MLLT1: variants seen among roughly 807,000 people sequenced by gnomAD.
The protein encoded by MLLT1 is protein ENL.
MLLT1 carries 11 observed loss-of-function variants against 55.1 expected under a neutral mutation model. The ratio of observed to expected loss-of-function variants is 0.20; its 90% CI spans 0.13 to 0.33. The LOEUF (loss-of-function observed/expected upper bound fraction) is 0.33, where lower values mean the gene tolerates loss of function less well. MLLT1 is among the 10% of genes least tolerant of loss of function. The probability of loss-of-function intolerance (pLI) is 1.00; values close to 1 mark genes in which losing one functional copy is unlikely to be tolerated. For missense variants in MLLT1, 536 were observed against 760.6 expected, an observed-to-expected ratio of 0.70 and a Z score of 3.47; for synonymous variants, 323 against 320.1, an observed-to-expected ratio of 1.01 and a Z score of -0.10.
At chr19:6,272,323 A>G (rs1311998075) in intron 1 of MLLT1, among the ~76,000 whole-genome samples, 1 of 152,160 alleles carries the variant, frequency 6.6e-6, no homozygotes, top group Non-Finnish European at 1.5e-5. Context: ...CCCAGAACTG[A>G]GGAAATGCAG....
chr19:6,239,773 C>T (rs1055836570), intron 3 of MLLT1, among the ~76,000 whole-genome samples: 1 of 152,098 alleles, frequency 6.6e-6, no homozygotes, highest in Non-Finnish European at 1.5e-5. Flanking sequence ...TACACACCCA[C>T]TCACATCCAC....
Position 6,270,887 on chromosome 19 carries a change from C to T in MLLT1, c.13-128G>A, listed in dbSNP as rs1046726812. On this transcript the variant is annotated intron_variant, in intron 1 of 11. Transcript: ENST00000252674. The surrounding 1 kb of genome is among the most constrained non-coding windows in gnomAD (Gnocchi z 7.1). Reference sequence around the variant, plus strand: ...AATACGCTCTCAACCCAGTGAGCAGCACACAGACGGCTTCCTATCGCGCCA... The same window carrying T: ...AATACGCTCTCAACCCAGTGAGCAGTACACAGACGGCTTCCTATCGCGCCA... The T allele has an allele frequency of 1.8e-5, 16 of 873,876 alleles. No homozygotes were observed. The highest frequency in any genetic ancestry group is 2.5e-5 in the Non-Finnish European group (15 of 591,928). The allele number at this position is 873,876 out of a possible 1,614,324, so 54.1% of individuals were successfully genotyped here. A position where few individuals can be genotyped will look rare whatever the true frequency, so the allele number is the denominator to read the frequency against.
chr19:6,235,334 C>T lies in MLLT1; in HGVS notation c.277-4621G>A, dbSNP rs1464307508. On this transcript the variant is annotated intron_variant, in intron 3 of 11. Transcript: ENST00000252674. This position sits in a 1 kb window ranked among gnomAD's most constrained non-coding sequence, Gnocchi z 5.5. ...AGGGACACCAGCAGGAGCCTGGCCA[C>T]GGTCCTGCCTCCTAGGCCTCAGGTT... Among the ~76,000 whole-genome samples the T allele has an allele frequency of 2.6e-5, 4 of 152,228 alleles. No individual in the cohort carries two copies. Among genetic ancestry groups the T allele is most frequent in the Non-Finnish European group, 2.9e-5 (2 of 68,036 alleles).
chr19:6,212,917 C>A lies in MLLT1; in HGVS notation c.*125G>T. 1 of 1,244,030 alleles carries A rather than the reference C, an allele frequency of 8.0e-7. No homozygotes were observed. The highest frequency in any genetic ancestry group is 1.1e-6 in the Non-Finnish European group (1 of 905,870). 77.1% of individuals were successfully genotyped at this position (1,244,030 alleles called of 1,614,324 possible). On this transcript the variant is annotated 3_prime_UTR_variant, in exon 12 of 12. Transcript: ENST00000252674. ...GCCGAGGAAAGTGCAGCGGGCTGTG[C>A]GGGCGAGGACAGGGCTGTCGCTAAG...
At chr19:6,221,214 G>A (rs2090893821) in intron 6 of MLLT1, among the ~76,000 whole-genome samples, 1 of 152,196 alleles carries the variant, frequency 6.6e-6, no homozygotes, top group Non-Finnish European at 1.5e-5. Flanking sequence ...GGCCCCTGAG[G>A]GCTGGGGCTG....
intron 8 of MLLT1, among the ~76,000 whole-genome samples, chr19:6,214,513 G>GC (rs1299200884): frequency 6.6e-6 from 1 of 152,114 alleles, no homozygotes; most frequent in East Asian, 1.9e-4. Context: ...AGTCACATCG[G>GC]CCCCCCTGAC....
chr19:6,270,192 G>A lies in MLLT1; in HGVS notation c.193+387C>T, dbSNP rs778560025. Among the ~76,000 whole-genome samples, 2 of 152,014 alleles carry A rather than the reference G, an allele frequency of 1.3e-5. No individual in the cohort carries two copies. The highest frequency in any genetic ancestry group is 3.8e-4 in the East Asian group (2 of 5,198). On this transcript the variant is annotated intron_variant, in intron 2 of 11. Coordinates refer to ENST00000252674, the MANE Select transcript of MLLT1 (RefSeq NM_005934.4). The surrounding 1 kb of genome is among the most constrained non-coding windows in gnomAD (Gnocchi z 7.1). ...AAAAGACAGTGGTGACATGAGCTCC[G>A]GCATTCTTTCTGCCCCAAATATTGG...
Position 6,222,624 on chromosome 19 carries a change from C to T in MLLT1, c.607G>A (p.Glu203Lys). 2.5e-6 allele frequency: 4 copies of T among 1,588,226 alleles called. No homozygotes were observed. Among genetic ancestry groups the T allele is most frequent in the Non-Finnish European group, 3.4e-6 (4 of 1,173,684 alleles). ...CTCTCGGAGTCTTTGCGGGGCCGCTCCCGGTGCTCCTTGGTCACCTTGTGT... is the reference window on the plus strand; with the variant it reads ...CTCTCGGAGTCTTTGCGGGGCCGCTTCCGGTGCTCCTTGGTCACCTTGTGT... ...KPHKVTKEHR[E>K]RPRKDSESKS... is the part of the protein sequence containing the mutation. Residue 203 changes from glutamate to lysine, a missense_variant, in exon 6 of 12, where the codon GAG (glutamate) becomes AAG (lysine). This residue lies in a region of MLLT1 where 449 missense variants were observed against 489.0 expected (regional missense o/e 0.92). Transcript: ENST00000252674. This position sits in a 1 kb window ranked among gnomAD's most constrained non-coding sequence, Gnocchi z 4.1.
Position 6,262,412 on chromosome 19 carries a change from G to C in MLLT1, c.194-102C>G, listed in dbSNP as rs2144941683. On this transcript the variant is annotated intron_variant, in intron 2 of 11. Coordinates refer to ENST00000252674, the MANE Select transcript of MLLT1 (RefSeq NM_005934.4). This position sits in a 1 kb window ranked among gnomAD's most constrained non-coding sequence, Gnocchi z 4.4. ...CCCTCAACCCCACCACCTCCTCACA[G>C]GGGCTTGGCTGGCCTCTCGGGGGTG... The C allele has an allele frequency of 1.0e-6, 1 of 970,856 alleles. No individual in the cohort carries two copies. 60.1% of individuals were successfully genotyped at this position (970,856 alleles called of 1,614,324 possible).
At position 6,211,804 on chromosome 19, in the gene MLLT1, G is replaced by A. The variant is rs1234852473; in HGVS notation, c.*1238C>T. 4.3e-5 allele frequency: 46 copies of A among 1,063,858 alleles called. No individual in the cohort carries two copies. Among genetic ancestry groups the A allele is most frequent in the Non-Finnish European group, 4.9e-5 (43 of 878,388 alleles). 65.9% of individuals were successfully genotyped at this position (1,063,858 alleles called of 1,614,324 possible). ...CGTCCTGGCCCTGGAAGAGTGGGCCGGGAAGGAGGACCGGCTTGGCCCCTG... is the reference window on the plus strand; with the variant it reads ...CGTCCTGGCCCTGGAAGAGTGGGCCAGGAAGGAGGACCGGCTTGGCCCCTG... On this transcript the variant is annotated 3_prime_UTR_variant, in exon 12 of 12. Coordinates refer to ENST00000252674, the MANE Select transcript of MLLT1 (RefSeq NM_005934.4). The surrounding 1 kb of genome is among the most constrained non-coding windows in gnomAD (Gnocchi z 4.6).
chr19:6,218,398 T>C (rs1195196680), intron 6 of MLLT1, among the ~76,000 whole-genome samples: 1 of 152,220 alleles, frequency 6.6e-6, no homozygotes. Context: ...GGGTGGGCCT[T>C]GCCTTCGTCC....
chr19:6,240,085 G>A lies in MLLT1; in HGVS notation c.277-9372C>T, dbSNP rs569600435. On this transcript the variant is annotated intron_variant, in intron 3 of 11. Coordinates refer to ENST00000252674, the MANE Select transcript of MLLT1 (RefSeq NM_005934.4). This position sits in a 1 kb window ranked among gnomAD's most constrained non-coding sequence, Gnocchi z 4.7. ...TGCACCTCTCTGAGCCTCAGAGAGAGGCAGGAATCAAACAGGAAAGAGGCA... is the reference window on the plus strand; with the variant it reads ...TGCACCTCTCTGAGCCTCAGAGAGAAGCAGGAATCAAACAGGAAAGAGGCA... 2.6e-5 allele frequency among the ~76,000 whole-genome samples: 4 copies of A among 152,292 alleles called. No homozygotes were observed. The highest frequency in any genetic ancestry group is 1.9e-4 in the East Asian group (1 of 5,168).
chr19:6,236,810 G>A (rs573554549), intron 3 of MLLT1, among the ~76,000 whole-genome samples: 72 of 152,314 alleles, frequency 4.7e-4, no homozygotes, highest in African/African-American at 1.6e-3. Context: ...AGCAGGCTCC[G>A]TGAGCAATGG....
In MLLT1 at chr19:6,216,526, G is replaced by A. The variant is rs2233193; in HGVS notation, c.1199-13C>T. The A allele has an allele frequency of 1.5e-3, 2,329 of 1,553,280 alleles. 36 individuals are homozygous for A. In the African/African-American group the frequency reaches 0.028, roughly 19 times the overall value. On this transcript the variant is annotated splice_polypyrimidine_tract_variant and intron_variant, in intron 7 of 11. Coordinates refer to ENST00000252674, the MANE Select transcript of MLLT1 (RefSeq NM_005934.4). ...GAGCGCAGGGGTCCTGGGGAGGCGGGGCAGGGAGGGAGGGGAGACAAGGGC... is the reference window on the plus strand; with the variant it reads ...GAGCGCAGGGGTCCTGGGGAGGCGGAGCAGGGAGGGAGGGGAGACAAGGGC...
rs1322472233 is a variant in MLLT1, at chr19:6,229,561, C to T, written c.420+1009G>A. Among the ~76,000 whole-genome samples the T allele has an allele frequency of 6.6e-6, 1 of 151,858 alleles. No homozygotes were observed. Among genetic ancestry groups the T allele is most frequent in the East Asian group, 1.9e-4 (1 of 5,152 alleles). ...ACACATTCACATACTCCCCATAACACACGTCACACCATACGTGCGTGACAC... is the reference window on the plus strand; with the variant it reads ...ACACATTCACATACTCCCCATAACATACGTCACACCATACGTGCGTGACAC... On this transcript the variant is annotated intron_variant, in intron 4 of 11. Transcript: ENST00000252674. The surrounding 1 kb of genome is among the most constrained non-coding windows in gnomAD (Gnocchi z 5.2).
rs1174684533 is a variant in MLLT1, at chr19:6,262,085, G to A, written c.276+143C>T. On this transcript the variant is annotated intron_variant, in intron 3 of 11. Transcript: ENST00000252674. The surrounding 1 kb of genome is among the most constrained non-coding windows in gnomAD (Gnocchi z 4.4). Reference sequence around the variant, plus strand: ...CGACGTCCCCAGGAATGGAGATGGTGACCAGCACCCCCCGCAGCACTCACT... The same window carrying A: ...CGACGTCCCCAGGAATGGAGATGGTAACCAGCACCCCCCGCAGCACTCACT... The A allele has an allele frequency of 7.5e-6, 5 of 665,858 alleles. No individual in the cohort carries two copies. The highest frequency in any genetic ancestry group is 1.1e-5 in the Non-Finnish European group (4 of 375,812). The allele number at this position is 665,858 out of a possible 1,614,324, so 41.2% of individuals were successfully genotyped here. A position where few individuals can be genotyped will look rare whatever the true frequency, so the allele number is the denominator to read the frequency against.
intron 7 of MLLT1, 183 bp from the exon 8 acceptor site, chr19:6,216,696 G>C: frequency 1.7e-6 from 1 of 576,318 alleles, no homozygotes; most frequent in South Asian, 2.1e-5. Flanking sequence ...GCAGCCACCC[G>C]CTTCCCCTAG....
chr19:6,245,165 ACT>A (rs995903386), intron 3 of MLLT1, among the ~76,000 whole-genome samples: 1 of 149,912 alleles, frequency 6.7e-6, no homozygotes, highest in Admixed American at 6.6e-5. Flanking sequence ...ACATAGTGAG[ACT>A]CTCTAACAAA....
Position 6,262,285 on chromosome 19 carries a change from T to G in MLLT1, c.219A>C (p.Val73=), listed in dbSNP as rs775828293. The G allele has an allele frequency of 3.7e-6, 6 of 1,613,928 alleles. No homozygotes were observed. The highest frequency in any genetic ancestry group is 1.7e-5 in the Admixed American group (1 of 60,020). The change falls in exon 3 of 12, where the codon GTA becomes GTC. Residue 73 remains valine (V), a synonymous_variant. Transcript: ENST00000252674. The surrounding 1 kb of genome is among the most constrained non-coding windows in gnomAD (Gnocchi z 4.4). ...TGAAGCCAGCGTACCCCGACTCCTC[T>G]ACTTTGTAGGGGGGCTCCTTGCACA... ...RRVCKEPPYK[V]EESGYAGFIM...
Sources: allele counts gnomAD v4.1 joint callset (sites outside exome capture counted in the v4.1 genomes callset), GRCh38; gene constraint gnomAD v4.1.1; regional missense constraint gnomAD v4.1.1; non-coding constraint Gnocchi (gnomAD v3.1); transcripts MANE v1.5; gene names NCBI Gene and HGNC (gene_info 2026-07-23, HGNC 2026-07-21).